The following RYR3 variants were observed in gnomAD, a reference collection of about 807,000 sequenced individuals.
RYR3 encodes ryanodine receptor 3, also known as brain ryanodine receptor-calcium release channel.
Under a neutral mutation model 584.3 loss-of-function variants are expected in RYR3, and 207 were observed. The ratio of observed to expected loss-of-function variants is 0.35; its 90% CI spans 0.32 to 0.40. RYR3 has a LOEUF of 0.40. Among genes scored for constraint, RYR3 ranks in the 10% least tolerant of loss-of-function variants. The pLI is 1.00. For synonymous variants in RYR3, 2,416 were observed against 2,248.5 expected (o/e 1.07, Z -2.11); for missense variants, 5,616 against 6,089.2 (o/e 0.92, Z 2.59).
At chr15:33,561,068 T>G (rs1210265145) in intron 10 of RYR3, among the ~76,000 whole-genome samples, 1 of 152,146 alleles carries the variant, frequency 6.6e-6, no homozygotes, top group African/African-American at 2.4e-5. Flanking sequence ...AAAATAAGAG[T>G]TGAAATGAAA....
chr15:33,792,726 T>C (rs1188430072), intron 67 of RYR3, among the ~76,000 whole-genome samples: 2 of 152,208 alleles, frequency 1.3e-5, no homozygotes, highest in African/African-American at 2.4e-5. Context: ...TGTAAGTCTA[T>C]AAAATCATAA....
chr15:33,743,104 C>G (rs923274869), intron 52 of RYR3, among the ~76,000 whole-genome samples: 1 of 152,194 alleles, frequency 6.6e-6, no homozygotes. Flanking sequence ...CATTTCTCAG[C>G]TGCAGCCTAC....
chr15:33,688,627 T>C (rs2152751754), intron 38 of RYR3, among the ~76,000 whole-genome samples: 1 of 150,842 alleles, frequency 6.6e-6, no homozygotes, highest in East Asian at 1.9e-4. Flanking sequence ...TGGAAAAGTG[T>C]TCATCATCAC....
intron 1 of RYR3, among the ~76,000 whole-genome samples, chr15:33,440,119 T>C (rs2046094122): frequency 6.6e-6 from 1 of 152,060 alleles, no homozygotes; most frequent in Non-Finnish European, 1.5e-5. Context: ...GAGACCCTGC[T>C]TCTATTAAAT....
intron 1 of RYR3, among the ~76,000 whole-genome samples, chr15:33,341,170 C>A (rs1442020336): frequency 3.9e-5 from 6 of 152,154 alleles, no homozygotes; most frequent in Non-Finnish European, 7.4e-5. Context: ...TCCCGAGTAG[C>A]TGGGACTACA....
At chr15:33,529,394 C>T (rs1351751804) in intron 3 of RYR3, among the ~76,000 whole-genome samples, 1 of 152,106 alleles carries the variant, frequency 6.6e-6, no homozygotes, top group Non-Finnish European at 1.5e-5. Context: ...TAAAATTACT[C>T]CAGGCTTTGT....
chr15:33,609,607 C>T (rs753562241), intron 18 of RYR3, among the ~76,000 whole-genome samples: 4 of 152,138 alleles, frequency 2.6e-5, no homozygotes, highest in Admixed American at 6.5e-5. Flanking sequence ...GAGCCGAGAT[C>T]GTGCCATTGT....
At chr15:33,505,268 TA>T (rs1379752382) in intron 3 of RYR3, among the ~76,000 whole-genome samples, 2 of 152,244 alleles carry the variant, frequency 1.3e-5, no homozygotes, top group African/African-American at 4.8e-5. Context: ...ATTAGATCTC[TA>T]AACCCCTTAA....
intron 1 of RYR3, among the ~76,000 whole-genome samples, chr15:33,466,103 A>G (rs189783619): frequency 2.0e-4 from 30 of 152,322 alleles, no homozygotes; most frequent in African/African-American, 7.2e-4. Flanking sequence ...TTCAGAGAAG[A>G]GGTTTAATGT....
intron 98 of RYR3, chr15:33,856,588 C>A: frequency 6.6e-6 from 1 of 152,294 alleles, no homozygotes; most frequent in Middle Eastern, 3.2e-3. Flanking sequence ...TTATCCAGTG[C>A]ATGATTATTT....
At chr15:33,772,577 A>G (rs1252946849) in intron 63 of RYR3, among the ~76,000 whole-genome samples, 1 of 152,148 alleles carries the variant, frequency 6.6e-6, no homozygotes, top group Non-Finnish European at 1.5e-5. Flanking sequence ...AAATGCTAAC[A>G]TTTCCTTATC....
intron 1 of RYR3, among the ~76,000 whole-genome samples, chr15:33,393,448 A>G (rs1031048307): frequency 2.0e-5 from 3 of 152,216 alleles, no homozygotes; most frequent in Admixed American, 6.5e-5. Flanking sequence ...TGAAAATGCA[A>G]CATGCTTTAA....
intron 43 of RYR3, among the ~76,000 whole-genome samples, chr15:33,707,391 A>G (rs1309758877): frequency 6.6e-6 from 1 of 152,200 alleles, no homozygotes; most frequent in East Asian, 1.9e-4. Context: ...TCACAGAGCT[A>G]AATGCACATG....
intron 1 of RYR3, among the ~76,000 whole-genome samples, chr15:33,345,197 G>T (rs1193362422): frequency 6.6e-6 from 1 of 152,038 alleles, no homozygotes; most frequent in Non-Finnish European, 1.5e-5. Context: ...CAGAGTATAA[G>T]CCTACCTACT....
intron 38 of RYR3, among the ~76,000 whole-genome samples, chr15:33,681,390 C>T (rs1347269481): frequency 3.3e-5 from 5 of 152,158 alleles, no homozygotes; most frequent in African/African-American, 9.7e-5. Flanking sequence ...GGGCTGCATT[C>T]CTTCTGGACT....
chr15:33,733,527 T>C (rs992875131), intron 48 of RYR3, among the ~76,000 whole-genome samples: 4 of 152,150 alleles, frequency 2.6e-5, no homozygotes, highest in Non-Finnish European at 5.9e-5. Flanking sequence ...ATTCCAACTA[T>C]ATGGCTTTCC....
Position 33,726,723 on chromosome 15 carries a change from C to T in RYR3, c.7033+217C>T, listed in dbSNP as rs568754482. Among the ~76,000 whole-genome samples, 6 of 152,364 alleles carry T rather than the reference C, an allele frequency of 3.9e-5. No individual in the cohort carries two copies. The East Asian group carries it at 5.8e-4, about 15-fold the overall frequency. On this transcript the variant is annotated intron_variant, in intron 46 of 103. Coordinates refer to ENST00000634891, the MANE Select transcript of RYR3 (RefSeq NM_001036.6). ...AAGAAGCAATCTCAAAACAATAAAT[C>T]GACTCCTGATTCCTAGCATTTGCCC...
Position 33,663,630 on chromosome 15 carries a change from C to A in RYR3, c.5512C>A (p.Gln1838Lys). ...AFGDIYVSKL[Q>K]ANQKFRYNEL... ...TGGTGACATTTATGTCTCCAAGCTG[C>A]AGGCAAATCAGAAGTTCCGCTACAA... is the stretch of plus-strand genomic sequence containing the variant. The change falls in exon 36 of 104, where the codon CAG becomes AAG. Residue 1838 changes from glutamine to lysine, a missense_variant. By Grantham distance (53) the Gln-to-Lys change is moderately conservative (BLOSUM62 1). Coordinates refer to ENST00000634891, the MANE Select transcript of RYR3 (RefSeq NM_001036.6). 6.2e-7 allele frequency: 1 copy of A among 1,613,376 alleles called. No individual in the cohort carries two copies. The highest frequency in any genetic ancestry group is 8.5e-7 in the Non-Finnish European group (1 of 1,179,704).
intron 23 of RYR3, among the ~76,000 whole-genome samples, chr15:33,632,696 G>A (rs1433534194): frequency 1.3e-5 from 2 of 152,154 alleles, no homozygotes; most frequent in Non-Finnish European, 1.5e-5. Flanking sequence ...AAATAAAGAT[G>A]GTTTGTATTG....
Sources: allele counts gnomAD v4.1 joint callset (sites outside exome capture counted in the v4.1 genomes callset), GRCh38; gene constraint gnomAD v4.1.1; transcripts MANE v1.5; gene names NCBI Gene and HGNC (gene_info 2026-07-23, HGNC 2026-07-21).